PRKCA: variants seen among roughly 807,000 people sequenced by gnomAD.
PRKCA encodes protein kinase C alpha.
In PRKCA, 27 loss-of-function variants were observed where a neutral mutation model predicts 87.0. The observed-to-expected ratio is 0.31, with a 90% CI of 0.23 to 0.43. The LOEUF (loss-of-function observed/expected upper bound fraction) is 0.43, where lower values mean the gene tolerates loss of function less well. Among genes scored for constraint, PRKCA ranks in the 20% least tolerant of loss-of-function variants. PRKCA has a pLI of 1.00. For missense variants in PRKCA, 518 were observed against 852.3 expected (o/e 0.61, Z 4.88); for synonymous variants, 329 against 311.1 (o/e 1.06, Z -0.61).
chr17:66,338,058 G>A (rs1162792257), intron 2 of PRKCA, among the ~76,000 whole-genome samples: 1 of 150,534 alleles, frequency 6.6e-6, no homozygotes, highest in African/African-American at 2.5e-5. Context: ...TGGTTGGAGA[G>A]GTAGTTTTAA....
intron 2 of PRKCA, among the ~76,000 whole-genome samples, chr17:66,328,827 T>C (rs1906148948): frequency 6.6e-6 from 1 of 152,138 alleles, no homozygotes; most frequent in South Asian, 2.1e-4. Context: ...TGAAGGCAGA[T>C]CTCATTTGCT....
At chr17:66,741,512 C>A in intron 11 of PRKCA, 147 bp from the exon 12 acceptor site, 1 of 708,278 alleles carries the variant, frequency 1.4e-6, no homozygotes, top group Non-Finnish European at 2.4e-6. Context: ...GGAGGGAGGA[C>A]CGGGGGTTGG....
intron 2 of PRKCA, among the ~76,000 whole-genome samples, chr17:66,399,080 A>ATTTTCTTTTCTTTTC (rs61604684): frequency 1.5e-4 from 19 of 123,758 alleles, no homozygotes; most frequent in South Asian, 2.8e-4. Flanking sequence ...GGTAGACAGC[A>ATTTTCTTTTCTTTTC]TTTTCTTTTC....
intron 3 of PRKCA, among the ~76,000 whole-genome samples, chr17:66,521,219 A>G (rs2144220422): frequency 6.6e-6 from 1 of 152,338 alleles, no homozygotes; most frequent in East Asian, 1.9e-4. Context: ...CAGACAGTGA[A>G]AGGAAGTATT....
intron 3 of PRKCA, among the ~76,000 whole-genome samples, chr17:66,553,218 G>A (rs144509105): frequency 0.011 from 1,641 of 152,202 alleles, 13 homozygotes; most frequent in South Asian, 0.022. Flanking sequence ...CTGAGCTCAA[G>A]CGATCCACCC....
At chr17:66,618,370 G>T (rs1450978960) in intron 3 of PRKCA, among the ~76,000 whole-genome samples, 1 of 127,370 alleles carries the variant, frequency 7.9e-6, no homozygotes, top group African/African-American at 2.9e-5. Flanking sequence ...AAAAAAAAAA[G>T]AACATAGTCA....
chr17:66,420,413 A>T (rs905427943), intron 2 of PRKCA, among the ~76,000 whole-genome samples: 1 of 152,124 alleles, frequency 6.6e-6, no homozygotes, highest in Non-Finnish European at 1.5e-5. Context: ...TTGGCTTAAG[A>T]TTTTTCAACT....
intron 8 of PRKCA, among the ~76,000 whole-genome samples, chr17:66,724,640 T>C (rs1009222814): frequency 1.3e-5 from 2 of 152,238 alleles, no homozygotes; most frequent in African/African-American, 2.4e-5. Context: ...GAATTTTCCA[T>C]TTGCTCAGGC....
In PRKCA at chr17:66,806,322, GAGACGGGGTAGGGA is replaced by G. The variant is rs1472041086; in HGVS notation, c.*2287_*2300del. 1.3e-5 allele frequency: 2 copies of G among 152,296 alleles called. No homozygotes were observed. Among genetic ancestry groups the G allele is most frequent in the East Asian group, 3.9e-4 (2 of 5,184 alleles). 9.4% of individuals were successfully genotyped at this position (152,296 alleles called of 1,614,324 possible). Reference sequence around the variant, plus strand: ...GTCCTGGCAACCCTGAGTAGAAGGAGAGACGGGGTAGGGAACGGGCCCGGCCAGAAAAGAACCAT... The same window carrying G: ...GTCCTGGCAACCCTGAGTAGAAGGAGACGGGCCCGGCCAGAAAAGAACCAT... On this transcript the variant is annotated 3_prime_UTR_variant, in exon 17 of 17. Transcript: ENST00000413366.
chr17:66,347,374 AAGG>A (rs139010181), intron 2 of PRKCA, among the ~76,000 whole-genome samples: 6,939 of 152,242 alleles, frequency 0.046, 275 homozygotes, highest in East Asian at 0.1. Context: ...TAATTGAAAA[AAGG>A]AGGGAATATT....
intron 2 of PRKCA, among the ~76,000 whole-genome samples, chr17:66,434,667 G>A (rs1598668008): frequency 6.6e-6 from 1 of 152,104 alleles, no homozygotes; most frequent in South Asian, 2.1e-4. Context: ...TTTTTTCCCC[G>A]AATGTGGCCT....
chr17:66,442,432 C>A (rs1393280170), intron 2 of PRKCA, among the ~76,000 whole-genome samples: 1 of 152,004 alleles, frequency 6.6e-6, no homozygotes, highest in Non-Finnish European at 1.5e-5. Context: ...CTCCCTCCTT[C>A]AATCTCTTTT....
At chr17:66,473,158 C>T (rs370661361) in intron 2 of PRKCA, among the ~76,000 whole-genome samples, 1 of 152,108 alleles carries the variant, frequency 6.6e-6, no homozygotes, top group Admixed American at 6.5e-5. Flanking sequence ...GACTCTGCAG[C>T]GGGCTGCCTC....
chr17:66,428,587 TTCA>T (rs1448185752), intron 2 of PRKCA, among the ~76,000 whole-genome samples: 1 of 151,856 alleles, frequency 6.6e-6, no homozygotes, highest in African/African-American at 2.4e-5. Context: ...CACTGCAACC[TTCA>T]CCTCCTGGGT....
intron 2 of PRKCA, among the ~76,000 whole-genome samples, chr17:66,349,758 T>G (rs1327695241): frequency 1.3e-5 from 2 of 152,130 alleles, no homozygotes; most frequent in Non-Finnish European, 2.9e-5. Flanking sequence ...TCCCAAAAAC[T>G]GCTCTCCTCA....
chr17:66,641,405 C>T lies in PRKCA; in HGVS notation c.339C>T (p.Thr113=), dbSNP rs755864352. 6 of 1,612,658 alleles carry T rather than the reference C, an allele frequency of 3.7e-6. No individual in the cohort carries two copies. The highest frequency in any genetic ancestry group is 5.1e-6 in the Non-Finnish European group (6 of 1,179,280). Residue 113 remains threonine, a synonymous_variant, in exon 4 of 17, where the codon ACC becomes ACT. Transcript: ENST00000413366. ...KFKIHTYGSP[T]FCDHCGSLLY... ...AAATCCACACTTACGGAAGCCCCAC[C>T]TTCTGCGATCACTGTGGGTCACTGC... is the stretch of plus-strand genomic sequence containing the variant.
intron 3 of PRKCA, among the ~76,000 whole-genome samples, chr17:66,575,454 C>T (rs1325023050): frequency 6.6e-6 from 1 of 152,144 alleles, no homozygotes; most frequent in Non-Finnish European, 1.5e-5. Flanking sequence ...GTGGCGCACA[C>T]CTGTAATCCC....
chr17:66,346,304 A>G (rs557227355), intron 2 of PRKCA, among the ~76,000 whole-genome samples: 1 of 151,816 alleles, frequency 6.6e-6, no homozygotes, highest in African/African-American at 2.4e-5. Context: ...TCACCGTGTT[A>G]GCTAGGATGG....
At chr17:66,393,855 C>T (rs1217609540) in intron 2 of PRKCA, among the ~76,000 whole-genome samples, 4 of 152,096 alleles carry the variant, frequency 2.6e-5, no homozygotes, top group Non-Finnish European at 5.9e-5. Context: ...GGGCAGATTA[C>T]TTGAGGTCAG....
Sources: allele counts gnomAD v4.1 joint callset (sites outside exome capture counted in the v4.1 genomes callset), GRCh38; gene constraint gnomAD v4.1.1; transcripts MANE v1.5; gene names NCBI Gene and HGNC (gene_info 2026-07-23, HGNC 2026-07-21).